TCF7L1: variants seen among roughly 807,000 people sequenced by gnomAD.
TCF7L1 encodes the protein transcription factor 7 like 1, also known as transcription factor 7-like 1.
TCF7L1 carries 18 observed loss-of-function variants against 63.7 expected under a neutral mutation model. The observed-to-expected ratio is 0.28, with a 90% CI of 0.20 to 0.42. The LOEUF (loss-of-function observed/expected upper bound fraction) is 0.42. Ranked by LOEUF, TCF7L1 falls within the 10% of genes least tolerant of loss-of-function variation. The pLI is 1.00. For synonymous variants in TCF7L1, 355 were observed against 340.9 expected (o/e 1.04, Z -0.46); for missense variants, 654 against 779.3 (o/e 0.84, Z 1.91).
At chr2:85,153,930 A>G (rs1678080513) in intron 3 of TCF7L1, among the ~76,000 whole-genome samples, 1 of 152,236 alleles carries the variant, frequency 6.6e-6, no homozygotes, top group South Asian at 2.1e-4. Flanking sequence ...TTAGGTTAAC[A>G]AGGGAAATCA....
At chr2:85,193,968 TAA>T (rs61625799) in intron 3 of TCF7L1, among the ~76,000 whole-genome samples, 1 of 145,778 alleles carries the variant, frequency 6.9e-6, no homozygotes, top group Admixed American at 6.9e-5. Context: ...TTTAAAAGTT[TAA>T]AAAAAAAAAG....
At chr2:85,194,985 C>A (rs888193465) in intron 3 of TCF7L1, among the ~76,000 whole-genome samples, 1 of 152,244 alleles carries the variant, frequency 6.6e-6, no homozygotes, top group Non-Finnish European at 1.5e-5. Context: ...GCTCCACCCC[C>A]CAGTCCCACC....
intron 3 of TCF7L1, among the ~76,000 whole-genome samples, chr2:85,141,142 C>T (rs936051581): frequency 2.0e-5 from 3 of 152,074 alleles, no homozygotes; most frequent in African/African-American, 4.8e-5. Context: ...AAAACTTGTC[C>T]GGGCATGGTG....
intron 3 of TCF7L1, among the ~76,000 whole-genome samples, chr2:85,238,965 G>T (rs536678734): frequency 3.3e-5 from 5 of 151,902 alleles, no homozygotes; most frequent in African/African-American, 1.2e-4. Flanking sequence ...GACTACAGGC[G>T]TGATCCACCA....
In TCF7L1 at chr2:85,302,574, T is replaced by TCCCCCA; in HGVS notation, c.620_621insCACCCC (p.Pro207_Pro208insThrPro). 1 of 1,611,532 alleles carries TCCCCCA rather than the reference T, an allele frequency of 6.2e-7. No homozygotes were observed. The highest frequency in any genetic ancestry group is 8.5e-7 in the Non-Finnish European group (1 of 1,178,202). On this transcript the variant is annotated inframe_insertion, in exon 5 of 12. Transcript: ENST00000282111. ...CAGCAATGACCACTTCTCCCCCGGC[T>TCCCCCA]CCCCTCCCACCCACCTCTCCCCAGA...
intron 3 of TCF7L1, chr2:85,262,130 T>A: frequency 1.8e-6 from 1 of 545,558 alleles, no homozygotes; most frequent in Non-Finnish European, 3.7e-6. Flanking sequence ...ATGAATCTCT[T>A]CCGCATCATC....
intron 4 of TCF7L1, among the ~76,000 whole-genome samples, chr2:85,299,179 A>G (rs750831954): frequency 6.6e-6 from 1 of 152,034 alleles, no homozygotes; most frequent in Non-Finnish European, 1.5e-5. Context: ...AATACAGCAC[A>G]TGAGCAATCA....
Position 85,283,480 on chromosome 2 carries a change from C to T in TCF7L1, c.442-15C>T. 6.2e-7 allele frequency: 1 copy of T among 1,614,040 alleles called. No homozygotes were observed. The highest frequency in any genetic ancestry group is 8.5e-7 in the Non-Finnish European group (1 of 1,179,962). Reference sequence around the variant, plus strand: ...CATCTCACCAACAGCTTTTTCTTTTCTGTTCCCTGTGCAGTACCTGCAGAT... The same window carrying T: ...CATCTCACCAACAGCTTTTTCTTTTTTGTTCCCTGTGCAGTACCTGCAGAT... On this transcript the variant is annotated splice_polypyrimidine_tract_variant and intron_variant, in intron 3 of 11. Transcript: ENST00000282111.
chr2:85,198,898 A>G (rs1437622970), intron 3 of TCF7L1, among the ~76,000 whole-genome samples: 1 of 152,196 alleles, frequency 6.6e-6, no homozygotes, highest in Non-Finnish European at 1.5e-5. Context: ...ACCAGTAGTG[A>G]TCTAAATAAG....
At chr2:85,257,704 C>A (rs1227647024) in intron 3 of TCF7L1, among the ~76,000 whole-genome samples, 1 of 152,200 alleles carries the variant, frequency 6.6e-6, no homozygotes, top group Non-Finnish European at 1.5e-5. Flanking sequence ...GGGGAGCCCA[C>A]GCCCACTGCA....
chr2:85,280,384 C>T (rs1681382980), intron 3 of TCF7L1, among the ~76,000 whole-genome samples: 5 of 152,204 alleles, frequency 3.3e-5, no homozygotes, highest in Admixed American at 2.6e-4. Context: ...CAAGCCGACT[C>T]TGCCAGACAA....
At chr2:85,234,810 C>T (rs1239587125) in intron 3 of TCF7L1, among the ~76,000 whole-genome samples, 1 of 152,072 alleles carries the variant, frequency 6.6e-6, no homozygotes, top group Non-Finnish European at 1.5e-5. Flanking sequence ...AAGGTGAGGT[C>T]AGCTTGAGTG....
At chr2:85,298,891 T>A (rs1375890698) in intron 4 of TCF7L1, among the ~76,000 whole-genome samples, 2 of 152,014 alleles carry the variant, frequency 1.3e-5, no homozygotes, top group Non-Finnish European at 2.9e-5. Flanking sequence ...AGGAGAACCT[T>A]CCTTCTAGGA....
intron 4 of TCF7L1, among the ~76,000 whole-genome samples, chr2:85,291,991 G>GTTTTTTT (rs1681727037): frequency 5.0e-5 from 1 of 20,178 alleles, no homozygotes; most frequent in Non-Finnish European, 6.7e-5. Flanking sequence ...CTGGTCATAT[G>GTTTTTTT]TATTTTTTTT....
intron 3 of TCF7L1, among the ~76,000 whole-genome samples, chr2:85,147,287 C>T (rs184615039): frequency 6.0e-4 from 92 of 152,280 alleles, no homozygotes; most frequent in African/African-American, 2.2e-3. Flanking sequence ...TGAAGCTTTT[C>T]GTGGGGGGTC....
chr2:85,177,319 T>A (rs951206812), intron 3 of TCF7L1, among the ~76,000 whole-genome samples: 1 of 152,156 alleles, frequency 6.6e-6, no homozygotes, highest in Non-Finnish European at 1.5e-5. Flanking sequence ...AACACAGGAA[T>A]TTGGTGGCAG....
At chr2:85,138,293 T>C (rs1381480614) in intron 3 of TCF7L1, among the ~76,000 whole-genome samples, 1 of 152,186 alleles carries the variant, frequency 6.6e-6, no homozygotes, top group Non-Finnish European at 1.5e-5. Context: ...CCATGGGCAG[T>C]CTTGCTCATA....
intron 3 of TCF7L1, among the ~76,000 whole-genome samples, chr2:85,267,641 C>T (rs1430844577): frequency 2.2e-5 from 3 of 137,324 alleles, no homozygotes; most frequent in Non-Finnish European, 3.2e-5. Flanking sequence ...AGAGGAAAGA[C>T]TCTGTCTCAA....
intron 3 of TCF7L1, among the ~76,000 whole-genome samples, chr2:85,242,939 A>T (rs1322641277): frequency 6.6e-6 from 1 of 152,150 alleles, no homozygotes; most frequent in African/African-American, 2.4e-5. Flanking sequence ...CATTTAGATT[A>T]CACACCTCTG....
Sources: gnomAD v4.1 joint callset for allele counts (sites outside exome capture counted in the v4.1 genomes callset) on GRCh38, gnomAD v4.1.1 for gene constraint, MANE v1.5 for transcripts, NCBI Gene and HGNC (gene_info 2026-07-23, HGNC 2026-07-21) for gene names.